The following NOC3L variants were observed in gnomAD, a reference collection of about 807,000 sequenced individuals.
The protein encoded by NOC3L is nucleolar complex protein 3 homolog.
NOC3L carries 85 observed loss-of-function variants against 102.5 expected under a neutral mutation model. The observed-to-expected ratio is 0.83, with a 90% CI of 0.70 to 0.99. The LOEUF (loss-of-function observed/expected upper bound fraction) is 0.99, where lower values mean the gene tolerates loss of function less well. Among genes scored for constraint, NOC3L ranks in the 50% least tolerant of loss-of-function variants. NOC3L has a pLI of 0.00. For synonymous variants in NOC3L, 303 were observed against 309.4 expected (o/e 0.98, Z 0.22); for missense variants, 878 against 914.9 (o/e 0.96, Z 0.52).
At chr10:94,350,409 C>A (rs1564914793) in intron 8 of NOC3L, 121 bp from the exon 9 acceptor site, 18 of 860,346 alleles carry the variant, frequency 2.1e-5, no homozygotes, top group Non-Finnish European at 3.3e-5. Flanking sequence ...TTCCCACACC[C>A]CTTAAAAAAA....
the NOC3L span, among the ~76,000 whole-genome samples, chr10:94,318,382 T>C: frequency 5.9e-5 from 9 of 152,260 alleles, no homozygotes; most frequent in Non-Finnish European, 1.0e-4. Context: ...CTCTAAGCGA[T>C]GTCAGAAAAT....
At chr10:94,329,387 A>AACTC (rs2054129273), downstream of NOC3L, 2 of 152,212 alleles carry the variant, frequency 1.3e-5, no homozygotes, top group African/African-American at 4.8e-5. Flanking sequence ...AAAACACTAA[A>AACTC]ACTCACTCCT....
chr10:94,350,124 T>C lies in NOC3L; in HGVS notation c.1117A>G (p.Met373Val), dbSNP rs1246006069. Residue 373 changes from methionine (M) to valine (V), a missense_variant, in exon 9 of 21, where the codon ATG becomes GTG. Coordinates refer to ENST00000371361, the MANE Select transcript of NOC3L (RefSeq NM_022451.11). ...IVLIVPLMND[M>V]SKLISEMCCE... The stretch of plus-strand genomic sequence containing the variant: ...TTACAGCAACTCACCAATTTTGACA[T>C]GTCATTCATGAGAGGGACAATCAAT... 6 of 1,613,888 alleles carry C rather than the reference T, an allele frequency of 3.7e-6. No homozygotes were observed. The highest frequency in any genetic ancestry group is 1.3e-5 in the African/African-American group (1 of 74,890).
chr10:94,328,778 GTTT>G (rs909838936), downstream of NOC3L: 2 of 151,812 alleles, frequency 1.3e-5, no homozygotes, highest in African/African-American at 2.4e-5. Flanking sequence ...ATAATATTGG[GTTT>G]TTTTTAAGGT....
Position 94,334,277 on chromosome 10 carries a change from A to G in NOC3L, c.2303T>C (p.Leu768Ser). 6.2e-7 allele frequency: 1 copy of G among 1,607,142 alleles called. No individual in the cohort carries two copies. Among genetic ancestry groups the G allele is most frequent in the Non-Finnish European group, 8.5e-7 (1 of 1,175,162 alleles). Residue 768 changes from leucine (L) to serine (S), a missense_variant, in exon 21 of 21, where the codon TTG (leucine) becomes TCG (serine). Coordinates refer to ENST00000371361, the MANE Select transcript of NOC3L (RefSeq NM_022451.11). ...GATTAGCTGATTTAAATCTTCATTC[A>G]AAAATGAATCCCCTTGTAAAAATTT... ...KGKFLQGDSF[L>S]NEDLNQLIKR...
At position 94,334,258 on chromosome 10, in the gene NOC3L, C is replaced by G. The variant is rs769879277; in HGVS notation, c.2322G>C (p.Gln774His). 36 of 1,610,710 alleles carry G rather than the reference C, an allele frequency of 2.2e-5. No homozygotes were observed. In the South Asian group the frequency reaches 3.8e-4, roughly 17 times the overall value. Residue 774 changes from glutamine (Q) to histidine (H), a missense_variant, in exon 21 of 21, where the codon CAG becomes CAC. Transcript: ENST00000371361. ...GDSFLNEDLN[Q>H]LIKRYSSEVA... ...CTTCACTGGAGTATCTTTTGATTAGCTGATTTAAATCTTCATTCAAAAATG... is the reference window on the plus strand; with the variant it reads ...CTTCACTGGAGTATCTTTTGATTAGGTGATTTAAATCTTCATTCAAAAATG...
downstream of NOC3L, chr10:94,328,778 G>A (rs533359903): frequency 4.0e-5 from 6 of 151,812 alleles, no homozygotes; most frequent in East Asian, 1.2e-3. Flanking sequence ...ATAATATTGG[G>A]TTTTTTTTAA....
At chr10:94,326,581 T>C in the NOC3L span, among the ~76,000 whole-genome samples, 1 of 152,240 alleles carries the variant, frequency 6.6e-6, no homozygotes, top group African/African-American at 2.4e-5. Context: ...AAGAGCCCGA[T>C]ATGTGCTACA....
At chr10:94,326,961 C>T in the NOC3L span, among the ~76,000 whole-genome samples, 9 of 151,624 alleles carry the variant, frequency 5.9e-5, no homozygotes, top group African/African-American at 1.9e-4. Context: ...GAGATTGAGA[C>T]CATCCTGGCC....
chr10:94,343,600 C>T (rs562772991), intron 13 of NOC3L, among the ~76,000 whole-genome samples: 1 of 152,304 alleles, frequency 6.6e-6, no homozygotes, highest in East Asian at 1.9e-4. Context: ...CAACTCTATT[C>T]CTAAAGTTGT....
intron 2 of NOC3L, among the ~76,000 whole-genome samples, chr10:94,361,081 T>C (rs1325643342): frequency 6.6e-6 from 1 of 152,200 alleles, no homozygotes; most frequent in African/African-American, 2.4e-5. Flanking sequence ...TAATCTGATA[T>C]AGTCAAATAA....
At chr10:94,338,199 C>T (rs2054244228) in intron 18 of NOC3L, among the ~76,000 whole-genome samples, 1 of 152,190 alleles carries the variant, frequency 6.6e-6, no homozygotes. Flanking sequence ...CTACAAGTCT[C>T]ACTCTAATGC....
Position 94,362,860 on chromosome 10 carries a change from C to G in NOC3L, c.-22G>C, listed in dbSNP as rs767969594. 6.2e-7 allele frequency: 1 copy of G among 1,614,010 alleles called. No individual in the cohort carries two copies. Among genetic ancestry groups the G allele is most frequent in the South Asian group, 1.1e-5 (1 of 91,082 alleles). ...TCATCCTTAGGCCTTAAATGAATGC[C>G]GGCCAGACAAGTTCACCAGAAGCAG... On this transcript the variant is annotated 5_prime_UTR_variant, in exon 1 of 21. Coordinates refer to ENST00000371361, the MANE Select transcript of NOC3L (RefSeq NM_022451.11).
Position 94,350,250 on chromosome 10 carries a change from A to G in NOC3L, c.991T>C (p.Ser331Pro). The G allele has an allele frequency of 6.2e-7, 1 of 1,614,138 alleles. No individual in the cohort carries two copies. Reference sequence around the variant, plus strand: ...GCCAGTCCTTTGTATGCCTTTAAGGAAACTACATTACTTTTCTTCAGCTTC... The same window carrying G: ...GCCAGTCCTTTGTATGCCTTTAAGGGAACTACATTACTTTTCTTCAGCTTC... ...QRKLKKSNVV[S>P]LKAYKGLAEV... Residue 331 changes from serine (S) to proline (P), a missense_variant, in exon 9 of 21, where the codon TCC becomes CCC. Transcript: ENST00000371361.
the NOC3L span, among the ~76,000 whole-genome samples, chr10:94,323,544 G>C: frequency 2.6e-5 from 4 of 152,208 alleles, no homozygotes; most frequent in Admixed American, 6.5e-5. Flanking sequence ...TACATGGTAA[G>C]TCACCACATA....
At position 94,361,743 on chromosome 10, in the gene NOC3L, T is replaced by C; in HGVS notation, c.139A>G (p.Arg47Gly). The change falls in exon 2 of 21, where the codon AGG (arginine) becomes GGG (glycine). Residue 47 changes from arginine (R) to glycine (G), a missense_variant. By Grantham distance (125) the Arg-to-Gly change is moderately radical. Coordinates refer to ENST00000371361, the MANE Select transcript of NOC3L (RefSeq NM_022451.11). ...STLKKYRKEQRKLRQAVKDAV... is the reference protein window; with the variant it reads ...STLKKYRKEQGKLRQAVKDAV... ...TCTTTCACAGCTTGCCTTAGTTTCCTCTGTTCTTTTCGGTACTTCTTGAGA... is the reference window on the plus strand; with the variant it reads ...TCTTTCACAGCTTGCCTTAGTTTCCCCTGTTCTTTTCGGTACTTCTTGAGA... The C allele has an allele frequency of 6.2e-7, 1 of 1,613,988 alleles. No individual in the cohort carries two copies. The highest frequency in any genetic ancestry group is 8.5e-7 in the Non-Finnish European group (1 of 1,179,924).
In NOC3L at chr10:94,357,317, G is replaced by C. The variant is rs116919128; in HGVS notation, c.365C>G (p.Ala122Gly). ...RDLSSSEPVH[A>G]KKRKHERIID... ...AATGCGTTCATGCTTCCGTTTCTTC[G>C]CATGAACAGGCTCACTGCAGGGGAA... Residue 122 changes from alanine (A) to glycine (G), a missense_variant, in exon 4 of 21, where the codon GCG (alanine) becomes GGG (glycine). Coordinates refer to ENST00000371361, the MANE Select transcript of NOC3L (RefSeq NM_022451.11). The C allele has an allele frequency of 5.6e-6, 9 of 1,593,014 alleles. No homozygotes were observed. The African/African-American group carries it at 6.8e-5, about 12-fold the overall frequency.
chr10:94,325,069 T>C, the NOC3L span: 1 of 1,614,024 alleles, frequency 6.2e-7, no homozygotes, highest in Non-Finnish European at 8.5e-7. Flanking sequence ...CACAATGGAT[T>C]ACCGACAGTG....
At chr10:94,359,690 TATC>T (rs1283044367) in intron 2 of NOC3L, among the ~76,000 whole-genome samples, 1 of 152,096 alleles carries the variant, frequency 6.6e-6, no homozygotes, top group African/African-American at 2.4e-5. Flanking sequence ...TACAATGAGA[TATC>T]ATCTCATCCT....
Sources: gnomAD v4.1 joint callset for allele counts (sites outside exome capture counted in the v4.1 genomes callset) on GRCh38, gnomAD v4.1.1 for gene constraint, MANE v1.5 for transcripts, NCBI Gene and HGNC (gene_info 2026-07-23, HGNC 2026-07-21) for gene names.